ORC6: variants seen among roughly 807,000 people sequenced by gnomAD.
ORC6 encodes the protein origin recognition complex, subunit 6 homolog-like (yeast).
ORC6 carries 31 observed loss-of-function variants against 30.0 expected under a neutral mutation model. The ratio of observed to expected loss-of-function variants is 1.03; its 90% CI spans 0.78 to 1.40. The LOEUF is 1.40. ORC6 is among the 40% of genes most tolerant of loss of function. ORC6 has a pLI of 0.00. For synonymous variants in ORC6, 136 were observed against 111.2 expected (o/e 1.22, Z -1.40); for missense variants, 340 against 304.3 (o/e 1.12, Z -0.87).
At chr16:46,695,701 G>A (rs1173754457) in intron 5 of ORC6, 27 bp downstream of exon 5, 26 of 1,394,418 alleles carry the variant, frequency 1.9e-5, no homozygotes, top group Admixed American at 6.7e-5. Flanking sequence ...TCAAGAATGC[G>A]TCATTTGAAA....
rs1966545963 is a variant in ORC6 at position 46,698,295 on chromosome 16, A to G, written c.*710A>G. 1 of 452,148 alleles carries G rather than the reference A, an allele frequency of 2.2e-6. No individual in the cohort carries two copies. Among genetic ancestry groups the G allele is most frequent in the Non-Finnish European group, 4.5e-6 (1 of 224,658 alleles). 28.0% of individuals were successfully genotyped at this position (452,148 alleles called of 1,614,324 possible). On this transcript the variant is annotated 3_prime_UTR_variant, in exon 7 of 7. Coordinates refer to ENST00000219097, the MANE Select transcript of ORC6 (RefSeq NM_014321.4). ...GAATATAAAATTCAGTCTGAATGGC[A>G]TCTTACAGATTTTACTTCAATTTTT...
intron 4 of ORC6, chr16:46,695,267 A>G (rs1966505739): frequency 2.9e-6 from 1 of 339,082 alleles, no homozygotes; most frequent in South Asian, 3.2e-5. Context: ...TATGATTGTC[A>G]TTCATTAAAT....
At position 46,697,536 on chromosome 16, in the gene ORC6, G is replaced by C. The variant is rs759348696; in HGVS notation, c.710G>C (p.Arg237Thr). 7 of 1,614,084 alleles carry C rather than the reference G, an allele frequency of 4.3e-6. No homozygotes were observed. The South Asian group carries it at 5.5e-5, about 13-fold the overall frequency. The change falls in exon 7 of 7, where the codon AGA becomes ACA. Residue 237 changes from arginine (R) to threonine (T), a missense_variant. Physicochemically the swap from Arg to Thr is moderately conservative, Grantham distance 71. Transcript: ENST00000219097. ...DLTQDYEEWK[R>T]KILENAASAQ... ...ACACAGGATTATGAAGAATGGAAAAGAAAAATTTTGGAAAATGCTGCCAGT... is the reference window on the plus strand; with the variant it reads ...ACACAGGATTATGAAGAATGGAAAACAAAAATTTTGGAAAATGCTGCCAGT...
chr16:46,691,100 A>G lies in ORC6; in HGVS notation c.175A>G (p.Met59Val). 2 of 1,614,200 alleles carry G rather than the reference A, an allele frequency of 1.2e-6. No homozygotes were observed. Among genetic ancestry groups the G allele is most frequent in the Non-Finnish European group, 8.5e-7 (1 of 1,180,024 alleles). Residue 59 changes from methionine (M) to valine (V), a missense_variant, in exon 2 of 7, where the codon ATG becomes GTG. By Grantham distance (21) the Met-to-Val change is conservative (BLOSUM62 1). Transcript: ENST00000219097. ...GTGCCTGGACCTTGCAGCTTCCTGGATGAAGTGCCCCTTGGACAGGGTAAG... is the reference window on the plus strand; with the variant it reads ...GTGCCTGGACCTTGCAGCTTCCTGGGTGAAGTGCCCCTTGGACAGGGTAAG... ...VMCLDLAASWMKCPLDRAYLI... is the reference protein window; with the variant it reads ...VMCLDLAASWVKCPLDRAYLI...
At chr16:46,693,798 C>T (rs1224898837) in intron 4 of ORC6, 1 of 130,766 alleles carries the variant, frequency 7.6e-6, no homozygotes, top group Non-Finnish European at 1.6e-5. Context: ...AACACAGCAA[C>T]ACTGTCTCTT....
intron 2 of ORC6, among the ~76,000 whole-genome samples, chr16:46,691,686 C>T (rs933694037): frequency 8.5e-5 from 13 of 152,224 alleles, no homozygotes; most frequent in Non-Finnish European, 1.9e-4. Context: ...TCTCCAGCCT[C>T]TCTTGAATCC....
rs1178375248 is a variant in ORC6, at chr16:46,690,773, TC to T, written c.66-216del. ...GTAATTTTTTTGTCAAAATTTAACT[TC>T]CTTTTGCCTGAAAGCATTTGAGCAC... is the stretch of plus-strand genomic sequence containing the variant. On this transcript the variant is annotated intron_variant, in intron 1 of 6. Coordinates refer to ENST00000219097, the MANE Select transcript of ORC6 (RefSeq NM_014321.4). The T allele has an allele frequency of 3.6e-5, 22 of 604,692 alleles. No homozygotes were observed. In the African/African-American group the frequency reaches 3.7e-4, roughly 10 times the overall value. 37.5% of individuals were successfully genotyped at this position (604,692 alleles called of 1,614,324 possible).
At chr16:46,691,958 A>ACACTCTCTCTCTCTCTCTCT in intron 2 of ORC6, among the ~76,000 whole-genome samples, 68 of 36,654 alleles carry the variant, frequency 1.9e-3, no homozygotes, top group Middle Eastern at 0.02. Context: ...ACACACACAC[A>ACACTCTCTCTCTCTCTCTCT]CTCTCTCTCT....
intron 2 of ORC6, among the ~76,000 whole-genome samples, chr16:46,691,591 C>A (rs1186151700): frequency 6.6e-6 from 1 of 152,152 alleles, no homozygotes; most frequent in Non-Finnish European, 1.5e-5. Flanking sequence ...ATGTACATAA[C>A]ACCATTAACA....
chr16:46,695,079 C>G (rs757944307), intron 4 of ORC6: 1 of 180,474 alleles, frequency 5.5e-6, no homozygotes, highest in African/African-American at 2.4e-5. Flanking sequence ...AACCATATTA[C>G]GCTGAGTAAG....
At chr16:46,689,887 G>C (rs1195090393) in intron 1 of ORC6, 117 bp downstream of exon 1, 11 of 1,423,500 alleles carry the variant, frequency 7.7e-6, no homozygotes, top group Non-Finnish European at 9.2e-6. Flanking sequence ...GGAGCGCTGG[G>C]GCCGGGCGGG....
In ORC6 at chr16:46,693,558, G is replaced by GGGAGGC. The variant is rs1966474957; in HGVS notation, c.449+377_449+382dup. 1.6e-5 allele frequency: 5 copies of GGGAGGC among 312,288 alleles called. No homozygotes were observed. In the East Asian group the frequency reaches 4.3e-4, roughly 27 times the overall value. The allele number at this position is 312,288 out of a possible 1,614,324, so 19.3% of individuals were successfully genotyped here. ...GGCTCCCGCCTGTAATCCCAACACT[G>GGGAGGC]GGAGGCAGAGGCAGGAGGACTGCTT... is the stretch of plus-strand genomic sequence containing the variant. On this transcript the variant is annotated intron_variant, in intron 4 of 6. Coordinates refer to ENST00000219097, the MANE Select transcript of ORC6 (RefSeq NM_014321.4).
chr16:46,695,986 G>A, intron 5 of ORC6, 31 bp from the exon 6 acceptor site: 1 of 1,546,730 alleles, frequency 6.5e-7, no homozygotes, highest in Non-Finnish European at 8.9e-7. Flanking sequence ...GAGAACAGGA[G>A]AAAAATTAAC....
intron 2 of ORC6, among the ~76,000 whole-genome samples, chr16:46,691,958 A>ACACACACACACACACACT: frequency 4.4e-4 from 16 of 36,660 alleles, no homozygotes; most frequent in African/African-American, 8.6e-4. Context: ...ACACACACAC[A>ACACACACACACACACACT]CTCTCTCTCT....
chr16:46,693,080 A>G lies in ORC6; in HGVS notation c.360-13A>G, dbSNP rs797045853. On this transcript the variant is annotated splice_polypyrimidine_tract_variant and intron_variant, in intron 3 of 6. Coordinates refer to ENST00000219097, the MANE Select transcript of ORC6 (RefSeq NM_014321.4). Reference sequence around the variant, plus strand: ...TTTTCTAACAGATAATTCTGCAATAACTTCTCCTTTAGCTATGAGTCCAGT... The same window carrying G: ...TTTTCTAACAGATAATTCTGCAATAGCTTCTCCTTTAGCTATGAGTCCAGT... 11 of 1,547,206 alleles carry G rather than the reference A, an allele frequency of 7.1e-6. No homozygotes were observed. In the Middle Eastern group the frequency reaches 1.5e-3, roughly 213 times the overall value.
At chr16:46,693,806 C>CTTTTTTTTTTTTTTTTTTTTTTTCTT (rs1194005655) in intron 4 of ORC6, 4 of 46,034 alleles carry the variant, frequency 8.7e-5, no homozygotes, top group East Asian at 4.9e-4. Context: ...AACACTGTCT[C>CTTTTTTTTTTTTTTTTTTTTTTTCTT]TTTTTTTTTT....
chr16:46,695,612 T>TAAAAA lies in ORC6; in HGVS notation c.503_507dup (p.Ala170LysfsTer12). ...AACAAAATGGTAGCCACATCCGGTGTAAAAAAAGCTATATTTGATCGACTG... is the reference window on the plus strand; with the variant it reads ...AACAAAATGGTAGCCACATCCGGTGTAAAAAAAAAAAAGCTATATTTGATCGACTG... On this transcript the variant is annotated frameshift_variant, in exon 5 of 7. Transcript: ENST00000219097. LOFTEE classifies it high-confidence loss of function. 6.2e-7 allele frequency: 1 copy of TAAAAA among 1,613,810 alleles called. No individual in the cohort carries two copies. Among genetic ancestry groups the TAAAAA allele is most frequent in the Middle Eastern group, 1.7e-4 (1 of 6,058 alleles).
chr16:46,691,084 C>G lies in ORC6; in HGVS notation c.159C>G (p.Asp53Glu), dbSNP rs768379305. The G allele has an allele frequency of 6.2e-7, 1 of 1,614,172 alleles. No individual in the cohort carries two copies. Among genetic ancestry groups the G allele is most frequent in the Non-Finnish European group, 8.5e-7 (1 of 1,179,986 alleles). ...CCAGCAGTGCAGTCATGTGCCTGGA[C>G]CTTGCAGCTTCCTGGATGAAGTGCC... ...TETSSAVMCL[D>E]LAASWMKCPL... Residue 53 changes from aspartate (D) to glutamate (E), a missense_variant, in exon 2 of 7, where the codon GAC becomes GAG. Transcript: ENST00000219097.
At position 46,695,582 on chromosome 16, in the gene ORC6, A is replaced by C; in HGVS notation, c.470A>C (p.Asp157Ala). ...TGTAGGATTCTAAAGCTGAAAGTGG[A>C]TAAAAACAAAATGGTAGCCACATCC... ...SACKILKLKV[D>A]KNKMVATSGV... The change falls in exon 5 of 7, where the codon GAT (aspartate) becomes GCT (alanine). Residue 157 changes from aspartate (D) to alanine (A), a missense_variant. Transcript: ENST00000219097. The C allele has an allele frequency of 6.2e-7, 1 of 1,613,070 alleles. No individual in the cohort carries two copies. Among genetic ancestry groups the C allele is most frequent in the South Asian group, 1.1e-5 (1 of 91,064 alleles).
Sources: gnomAD v4.1 joint callset for allele counts (sites outside exome capture counted in the v4.1 genomes callset) on GRCh38, gnomAD v4.1.1 for gene constraint, MANE v1.5 for transcripts, NCBI Gene and HGNC (gene_info 2026-07-23, HGNC 2026-07-21) for gene names.